Variants in RND3 observed in about 807,000 individuals in gnomAD.
RND3 encodes rho-related GTP-binding protein RhoE.
Under a neutral mutation model 26.5 loss-of-function variants are expected in RND3, and 8 were observed. That is an observed-to-expected ratio of 0.30 (90% CI 0.18 to 0.54). The LOEUF (loss-of-function observed/expected upper bound fraction) is 0.54. Among genes scored for constraint, RND3 ranks in the 20% least tolerant of loss-of-function variants. RND3 has a pLI of 0.94. For synonymous variants in RND3, 113 were observed against 113.0 expected (o/e 1.00, Z 0.00); for missense variants, 207 against 302.8 (o/e 0.68, Z 2.35).
intron 5 of RND3, 139 bp from the exon 6 acceptor site, chr2:150,470,377 A>T: frequency 4.2e-6 from 2 of 475,346 alleles, no homozygotes; most frequent in Non-Finnish European, 6.5e-6. Context: ...GTGTCATTGC[A>T]AAAAAAAAAA....
intron 3 of RND3, among the ~76,000 whole-genome samples, chr2:150,478,366 G>C (rs548884469): frequency 6.6e-6 from 1 of 151,762 alleles, no homozygotes; most frequent in Non-Finnish European, 1.5e-5. Flanking sequence ...GAGAGGGCAC[G>C]GTGGAATCAC....
At position 150,475,960 on chromosome 2, in the gene RND3, A is replaced by C. The variant is rs142322705; in HGVS notation, c.239-976T>G. ...TCTTTAAGAATTCCAAAGGATGGGC[A>C]ATTACATGAGGCCTATAGTTATGAA... On this transcript the variant is annotated intron_variant, in intron 3 of 5. Coordinates refer to ENST00000263895, the MANE Select transcript of RND3 (RefSeq NM_005168.5). Among the ~76,000 whole-genome samples the C allele has an allele frequency of 3.0e-3, 458 of 152,338 alleles. 5 individuals are homozygous for C. The highest frequency in any genetic ancestry group is 0.01 in the African/African-American group (433 of 41,576).
intron 4 of RND3, among the ~76,000 whole-genome samples, chr2:150,472,175 G>A (rs1032577319): frequency 1.3e-5 from 2 of 151,446 alleles, no homozygotes; most frequent in Admixed American, 6.6e-5. Flanking sequence ...CTAGAAGGCT[G>A]GGGATAAGGC....
intron 2 of RND3, chr2:150,487,067 G>A (rs1686385073): frequency 3.3e-6 from 2 of 601,696 alleles, no homozygotes; most frequent in Non-Finnish European, 5.8e-6. Flanking sequence ...ATGTGCAGGC[G>A]CGTCCCAACC....
Position 150,469,812 on chromosome 2 carries a change from G to C in RND3, c.*175C>G. The C allele has an allele frequency of 6.3e-6, 4 of 636,534 alleles. No homozygotes were observed. The highest frequency in any genetic ancestry group is 1.1e-5 in the Non-Finnish European group (4 of 373,220). The allele number at this position is 636,534 out of a possible 1,614,324, so 39.4% of individuals were successfully genotyped here. A position where few individuals can be genotyped will look rare whatever the true frequency, so the allele number is the denominator to read the frequency against. On this transcript the variant is annotated 3_prime_UTR_variant, in exon 6 of 6. Coordinates refer to ENST00000263895, the MANE Select transcript of RND3 (RefSeq NM_005168.5). ...TCCATGTATTCACTTCTCATCACTT[G>C]GTCTACATGCCGAACCTAAGGTCAG... is the stretch of plus-strand genomic sequence containing the variant.
intron 3 of RND3, chr2:150,485,444 G>C (rs1558872482): frequency 6.6e-6 from 1 of 152,304 alleles, no homozygotes; most frequent in Non-Finnish European, 1.5e-5. Flanking sequence ...GCTGGGCGCG[G>C]CTCCACCTCG....
At chr2:150,479,017 T>TA (rs1177403177) in intron 3 of RND3, among the ~76,000 whole-genome samples, 1 of 148,612 alleles carries the variant, frequency 6.7e-6, no homozygotes, top group Non-Finnish European at 1.5e-5. Context: ...CTACACTATA[T>TA]ATGCAAAATG....
rs1309717376 is a variant in RND3 at position 150,486,204 on chromosome 2, A to T, written c.238+490T>A. 6.6e-6 allele frequency among the ~76,000 whole-genome samples: 1 copy of T among 151,924 alleles called. No homozygotes were observed. Among genetic ancestry groups the T allele is most frequent in the Non-Finnish European group, 1.5e-5 (1 of 67,968 alleles). On this transcript the variant is annotated intron_variant, in intron 3 of 5. Transcript: ENST00000263895. This position sits in a 1 kb window ranked among gnomAD's most constrained non-coding sequence, Gnocchi z 4.5. ...TGCCTGCGCTCAGTTTCTTTCCCTCAACAGCGGCAATTGCACGTAACCGCG... is the reference window on the plus strand; with the variant it reads ...TGCCTGCGCTCAGTTTCTTTCCCTCTACAGCGGCAATTGCACGTAACCGCG...
At chr2:150,471,818 T>A (rs1686092461) in intron 4 of RND3, 57 bp from the exon 5 acceptor site, 1 of 1,415,072 alleles carries the variant, frequency 7.1e-7, no homozygotes, top group South Asian at 1.2e-5. Flanking sequence ...ATCCATATCA[T>A]GAAAACCATT....
At chr2:150,475,226 CT>C in intron 3 of RND3, 1 of 370,036 alleles carries the variant, frequency 2.7e-6, no homozygotes, top group South Asian at 2.7e-5. Flanking sequence ...TAAGTGAAAT[CT>C]GTATGGTTCA....
chr2:150,475,329 G>A (rs1686146566), intron 3 of RND3, among the ~76,000 whole-genome samples: 1 of 152,152 alleles, frequency 6.6e-6, no homozygotes, highest in Non-Finnish European at 1.5e-5. Flanking sequence ...ACTAAAAAGG[G>A]AGGGGGCAAG....
intron 5 of RND3, among the ~76,000 whole-genome samples, chr2:150,471,075 AT>A (rs1481535912): frequency 6.6e-6 from 1 of 152,170 alleles, no homozygotes; most frequent in Non-Finnish European, 1.5e-5. Context: ...AAAATACCAA[AT>A]TTTTTGCTAA....
chr2:150,484,401 A>G (rs573312376), intron 3 of RND3, among the ~76,000 whole-genome samples: 2 of 152,314 alleles, frequency 1.3e-5, no homozygotes, highest in African/African-American at 4.8e-5. Context: ...TTAGCCCTTT[A>G]GGCATCTATT....
chr2:150,471,765 T>C lies in RND3; in HGVS notation c.349-4A>G, dbSNP rs201814244. ...ATTCCTGGATTTCACCTTTCCACTA[T>C]GAAAGAAAAAAAAAAAAGATTAAAA... On this transcript the variant is annotated splice_region_variant and splice_polypyrimidine_tract_variant and intron_variant, in intron 4 of 5. Coordinates refer to ENST00000263895, the MANE Select transcript of RND3 (RefSeq NM_005168.5). The C allele has an allele frequency of 6.1e-4, 880 of 1,454,174 alleles. 2 individuals carry two copies. In the African/African-American group the frequency reaches 0.022, roughly 36 times the overall value. The allele number at this position is 1,454,174 out of a possible 1,614,324, so 90.1% of individuals were successfully genotyped here.
Position 150,474,979 on chromosome 2 carries a change from G to C in RND3, c.244C>G (p.Pro82Ala). The C allele has an allele frequency of 3.1e-6, 5 of 1,597,738 alleles. No individual in the cohort carries two copies. Among genetic ancestry groups the C allele is most frequent in the Non-Finnish European group, 4.3e-6 (5 of 1,165,332 alleles). Residue 82 changes from proline (P) to alanine (A), a missense_variant, in exon 4 of 6, where the codon CCT (proline) becomes GCT (alanine). Coordinates refer to ENST00000263895, the MANE Select transcript of RND3 (RefSeq NM_005168.5). The stretch of plus-strand genomic sequence containing the variant: ...AGGGGGCGGACATTGTCATAGTAAG[G>C]AGAACCTGAGAAGAAACAAAGACAC... ...ELSLWDTSGS[P>A]YYDNVRPLSY...
At chr2:150,477,613 T>G (rs1403846163) in intron 3 of RND3, among the ~76,000 whole-genome samples, 2 of 152,122 alleles carry the variant, frequency 1.3e-5, no homozygotes, top group Non-Finnish European at 2.9e-5. Context: ...CCTACTAAAA[T>G]CAAGTGGGCT....
intron 3 of RND3, among the ~76,000 whole-genome samples, chr2:150,480,440 G>A (rs1686251452): frequency 6.6e-6 from 1 of 152,144 alleles, no homozygotes; most frequent in African/African-American, 2.4e-5. Context: ...AAATGACTGA[G>A]CCACGACTAA....
chr2:150,469,728 C>G lies in RND3; in HGVS notation c.*259G>C. 1 of 442,502 alleles carries G rather than the reference C, an allele frequency of 2.3e-6. No individual in the cohort carries two copies. 27.4% of individuals were successfully genotyped at this position (442,502 alleles called of 1,614,324 possible). A position where few individuals can be genotyped will look rare whatever the true frequency, so the allele number is the denominator to read the frequency against. On this transcript the variant is annotated 3_prime_UTR_variant, in exon 6 of 6. Transcript: ENST00000263895. ...TACTCGCATCCCCCCTCATCTTCCT[C>G]TAGCTCATTTGTATCTCTCATTTTT...
chr2:150,476,628 G>C (rs1330818083), intron 3 of RND3, among the ~76,000 whole-genome samples: 1 of 152,204 alleles, frequency 6.6e-6, no homozygotes, highest in South Asian at 2.1e-4. Flanking sequence ...CCCTGGTAGA[G>C]CAGAGGCTGA....
Sources: allele counts gnomAD v4.1 joint callset (sites outside exome capture counted in the v4.1 genomes callset), GRCh38; gene constraint gnomAD v4.1.1; non-coding constraint Gnocchi (gnomAD v3.1); transcripts MANE v1.5; gene names NCBI Gene and HGNC (gene_info 2026-07-23, HGNC 2026-07-21).